NRG1: variants seen among roughly 807,000 people sequenced by gnomAD.
NRG1 encodes pro-neuregulin-1, membrane-bound isoform.
Under a neutral mutation model 63.8 loss-of-function variants are expected in NRG1, and 18 were observed. That is an observed-to-expected ratio of 0.28 (90% CI 0.19 to 0.42). The LOEUF (loss-of-function observed/expected upper bound fraction) is 0.42. Among genes scored for constraint, NRG1 ranks in the 10% least tolerant of loss-of-function variants. NRG1 has a pLI of 1.00. For missense variants in NRG1, 762 were observed against 814.7 expected, an observed-to-expected ratio of 0.94 and a Z score of 0.79; for synonymous variants, 302 against 301.3, an observed-to-expected ratio of 1.00 and a Z score of -0.02.
chr8:31,639,554 C>T lies in NRG1; in HGVS notation c.37+123C>T, dbSNP rs1057291660. 11 of 1,448,020 alleles carry T rather than the reference C, an allele frequency of 7.6e-6. No homozygotes were observed. The Admixed American group carries it at 1.1e-4, about 14-fold the overall frequency. 89.7% of individuals were successfully genotyped at this position (1,448,020 alleles called of 1,614,324 possible). On this transcript the variant is annotated intron_variant, in intron 1 of 10. Coordinates refer to the NRG1 transcript ENST00000519301. The stretch of plus-strand genomic sequence containing the variant: ...TCTCTCCCAGCCGCTTGCTCGCAGC[C>T]CCAGCAGCCGCCGCAGCATCACTTC...
chr8:32,422,401 A>C (rs1816803222), intron 1 of NRG1, among the ~76,000 whole-genome samples: 1 of 152,170 alleles, frequency 6.6e-6, no homozygotes, highest in Admixed American at 6.6e-5. Context: ...TTTATCAGCA[A>C]AATATTTTAT....
intron 6 of NRG1, 25 bp from the exon 7 acceptor site, chr8:32,741,983 T>G: frequency 6.3e-7 from 1 of 1,598,592 alleles, no homozygotes; most frequent in Non-Finnish European, 8.6e-7. Context: ...ATTTTTTTTT[T>G]GCTTACCACA....
Position 32,319,920 on chromosome 8 carries a change from G to A in NRG1, c.38-275908G>A, listed in dbSNP as rs185959890. Reference sequence around the variant, plus strand: ...TAATACAAAGGAATACTCTCTCAGAGATTGTGCATTAATGTATGTTTCAGT... The same window carrying A: ...TAATACAAAGGAATACTCTCTCAGAAATTGTGCATTAATGTATGTTTCAGT... On this transcript the variant is annotated intron_variant, in intron 1 of 10. Transcript: ENST00000519301. Among the ~76,000 whole-genome samples the A allele has an allele frequency of 1.2e-3, 184 of 152,208 alleles. 1 individual carries two copies. The highest frequency in any genetic ancestry group is 4.4e-3 in the African/African-American group (181 of 41,532).
At chr8:31,689,135 C>T (rs929955015) in intron 1 of NRG1, among the ~76,000 whole-genome samples, 2 of 152,202 alleles carry the variant, frequency 1.3e-5, no homozygotes, top group African/African-American at 4.8e-5. Context: ...CCCAGATAAT[C>T]CAGGATAATT....
At chr8:32,330,754 C>G (rs563136726) in intron 1 of NRG1, among the ~76,000 whole-genome samples, 1 of 152,242 alleles carries the variant, frequency 6.6e-6, no homozygotes, top group Admixed American at 6.5e-5. Context: ...CAATGAGTTC[C>G]CCTTAAGGCT....
In NRG1 at chr8:31,935,509, C is replaced by T. The variant is rs566275212; in HGVS notation, c.37+296078C>T. On this transcript the variant is annotated intron_variant, in intron 1 of 10. Transcript: ENST00000519301. Reference sequence around the variant, plus strand: ...CTGTGTTCAAGTGGTCCTCCCGCCTCAGCCTCCCAAAAGGTTGGGATTACA... The same window carrying T: ...CTGTGTTCAAGTGGTCCTCCCGCCTTAGCCTCCCAAAAGGTTGGGATTACA... Among the ~76,000 whole-genome samples, 12 of 152,302 alleles carry T rather than the reference C, an allele frequency of 7.9e-5. No homozygotes were observed. The South Asian group carries it at 2.5e-3, about 32-fold the overall frequency.
chr8:32,085,702 A>G (rs1828111475), intron 1 of NRG1, among the ~76,000 whole-genome samples: 1 of 152,206 alleles, frequency 6.6e-6, no homozygotes, highest in Non-Finnish European at 1.5e-5. Flanking sequence ...GCCTCTAACT[A>G]CAACATATAA....
intron 5 of NRG1, among the ~76,000 whole-genome samples, chr8:32,695,351 A>G (rs1183545338): frequency 1.3e-5 from 2 of 152,040 alleles, no homozygotes; most frequent in Non-Finnish European, 2.9e-5. Flanking sequence ...AGAAAAAAGA[A>G]GGAAAGAAAG....
intron 1 of NRG1, among the ~76,000 whole-genome samples, chr8:32,372,652 A>G (rs1809063533): frequency 6.6e-6 from 1 of 152,130 alleles, no homozygotes; most frequent in African/African-American, 2.4e-5. Flanking sequence ...ATGTAGGTAA[A>G]ATAGAGCTCA....
chr8:32,113,038 A>G (rs1832238714), intron 1 of NRG1, among the ~76,000 whole-genome samples: 1 of 152,196 alleles, frequency 6.6e-6, no homozygotes, highest in South Asian at 2.1e-4. Flanking sequence ...ATGGCAGAGC[A>G]TCAAATAGGT....
intron 1 of NRG1, among the ~76,000 whole-genome samples, chr8:32,428,372 CT>C (rs1171782668): frequency 6.8e-6 from 1 of 147,966 alleles, no homozygotes; most frequent in Non-Finnish European, 1.5e-5. Flanking sequence ...TACAGATCCT[CT>C]TTAAAACATC....
intron 7 of NRG1, among the ~76,000 whole-genome samples, chr8:32,751,957 C>T (rs191897371): frequency 6.6e-6 from 1 of 152,294 alleles, no homozygotes; most frequent in East Asian, 1.9e-4. Flanking sequence ...TCCATGTCCC[C>T]ATTTTTGAAG....
At chr8:32,280,444 CATT>C (rs942443725) in intron 1 of NRG1, among the ~76,000 whole-genome samples, 18 of 152,280 alleles carry the variant, frequency 1.2e-4, no homozygotes, top group African/African-American at 3.8e-4. Flanking sequence ...GATTTGAAAA[CATT>C]ATGCTAAGTG....
chr8:31,993,906 C>T (rs1228382854), intron 1 of NRG1, among the ~76,000 whole-genome samples: 1 of 152,028 alleles, frequency 6.6e-6, no homozygotes, highest in African/African-American at 2.4e-5. Context: ...GAGTAATTGG[C>T]TCCATTAAAA....
At chr8:32,099,216 C>T (rs1830257871) in intron 1 of NRG1, among the ~76,000 whole-genome samples, 2 of 152,144 alleles carry the variant, frequency 1.3e-5, no homozygotes, top group African/African-American at 4.8e-5. Context: ...TTGTAGTAAG[C>T]TAACTTGCAG....
chr8:31,828,953 G>A lies in NRG1; in HGVS notation c.37+189522G>A, dbSNP rs199965907. On this transcript the variant is annotated intron_variant, in intron 1 of 10. Coordinates refer to the NRG1 transcript ENST00000519301. ...TTTATTCAACAAACATTTGCTGAATGTCTAATTAAGTAGCAGATACAGTGC... is the reference window on the plus strand; with the variant it reads ...TTTATTCAACAAACATTTGCTGAATATCTAATTAAGTAGCAGATACAGTGC... Among the ~76,000 whole-genome samples the A allele has an allele frequency of 1.4e-4, 21 of 152,312 alleles. No individual in the cohort carries two copies. The East Asian group carries it at 3.9e-3, about 28-fold the overall frequency.
intron 1 of NRG1, among the ~76,000 whole-genome samples, chr8:31,897,309 T>C (rs1470900540): frequency 1.3e-5 from 2 of 152,126 alleles, no homozygotes; most frequent in East Asian, 3.9e-4. Flanking sequence ...TTAAAATAGA[T>C]TTTAAGACTG....
chr8:32,559,563 A>G (rs1321465025), intron 1 of NRG1, among the ~76,000 whole-genome samples: 1 of 152,178 alleles, frequency 6.6e-6, no homozygotes, highest in African/African-American at 2.4e-5. Context: ...TGTACTTTTT[A>G]TGGATACAGG....
chr8:31,973,927 C>T (rs930074762), intron 1 of NRG1, among the ~76,000 whole-genome samples: 1 of 152,174 alleles, frequency 6.6e-6, no homozygotes, highest in Non-Finnish European at 1.5e-5. Context: ...CACTCTCCGT[C>T]TTAGCAGAGC....
Sources: allele counts gnomAD v4.1 joint callset (sites outside exome capture counted in the v4.1 genomes callset), GRCh38; gene constraint gnomAD v4.1.1; transcripts MANE v1.5; gene names NCBI Gene and HGNC (gene_info 2026-07-23, HGNC 2026-07-21).